The following IL17RA variants were observed in gnomAD, a reference collection of about 807,000 sequenced individuals.
IL17RA encodes interleukin-17 receptor A.
A neutral mutation model predicts 50.4 loss-of-function variants in IL17RA; 34 were observed. That is an observed-to-expected ratio of 0.67 (90% CI 0.51 to 0.90). IL17RA has a LOEUF of 0.90. Ranked by LOEUF, IL17RA falls within the 40% of genes least tolerant of loss-of-function variation. The pLI is 0.00. For synonymous variants in IL17RA, 585 were observed against 510.4 expected (o/e 1.15, Z -1.97); for missense variants, 1,276 against 1,169.8 (o/e 1.09, Z -1.32).
intron 12 of IL17RA, among the ~76,000 whole-genome samples, 170 bp from the exon 13 acceptor site, chr22:17,108,137 A>G (rs1378269586): frequency 1.3e-5 from 2 of 152,204 alleles, no homozygotes; most frequent in Admixed American, 6.5e-5. Context: ...TCAGGCAGCC[A>G]AAGGTGGAAT....
intron 1 of IL17RA, among the ~76,000 whole-genome samples, chr22:17,095,813 G>A (rs1475888680): frequency 1.3e-5 from 2 of 152,172 alleles, no homozygotes; most frequent in Admixed American, 6.5e-5. Flanking sequence ...TGAACAGGGC[G>A]AGAAGCACTT....
chr22:17,093,707 C>T (rs1226873226), intron 1 of IL17RA: 3 of 188,180 alleles, frequency 1.6e-5, no homozygotes, highest in Non-Finnish European at 3.4e-5. Context: ...GAATCTTCAT[C>T]CTCATGCTTT....
At chr22:17,086,169 C>T (rs1329717633) in intron 1 of IL17RA, among the ~76,000 whole-genome samples, 7 of 152,086 alleles carry the variant, frequency 4.6e-5, no homozygotes, top group Admixed American at 3.9e-4. Flanking sequence ...AACGCCGTGC[C>T]CCTCCACAAT....
chr22:17,100,453 C>T lies in IL17RA; in HGVS notation c.522C>T (p.Asn174=). The T allele has an allele frequency of 6.2e-7, 1 of 1,614,188 alleles. No individual in the cohort carries two copies. The highest frequency in any genetic ancestry group is 8.5e-7 in the Non-Finnish European group (1 of 1,180,034). Reference sequence around the variant, plus strand: ...AGCCCATCCCTGATGGGGACCCAAACCACCAGTCCAAGAATTTCCTTGTGC... The same window carrying T: ...AGCCCATCCCTGATGGGGACCCAAATCACCAGTCCAAGAATTTCCTTGTGC... ...LPKPIPDGDP[N]HQSKNFLVPD... The change falls in exon 5 of 13, where the codon AAC becomes AAT. Residue 174 remains asparagine (N), a synonymous_variant. Transcript: ENST00000319363.
At chr22:17,086,691 G>A (rs2061329558) in intron 1 of IL17RA, among the ~76,000 whole-genome samples, 1 of 152,218 alleles carries the variant, frequency 6.6e-6, no homozygotes, top group South Asian at 2.1e-4. Context: ...CAACTGCTAA[G>A]TGTACGGAAT....
chr22:17,085,179 G>A lies in IL17RA; in HGVS notation c.88G>A (p.Gly30Ser), dbSNP rs1215508376. 1.3e-6 allele frequency: 2 copies of A among 1,526,360 alleles called. No homozygotes were observed. Among genetic ancestry groups the A allele is most frequent in the African/African-American group, 2.8e-5 (2 of 71,286 alleles). The allele number at this position is 1,526,360 out of a possible 1,614,324, so 94.6% of individuals were successfully genotyped here. Residue 30 changes from glycine (G) to serine (S), a missense_variant, in exon 1 of 13, where the codon GGC becomes AGC. Physicochemically the swap from Gly to Ser is moderately conservative, Grantham distance 56. Coordinates refer to ENST00000319363, the MANE Select transcript of IL17RA (RefSeq NM_014339.7). ...GCTCCTGGGCGTGCTGGCCCCGGGT[G>A]GCGCCTCCCTGCGACTCCTGGACCA... is the stretch of plus-strand genomic sequence containing the variant. ...LLLLGVLAPG[G>S]ASLRLLDHRA...
Position 17,102,300 on chromosome 22 carries a change from G to A in IL17RA, c.760G>A (p.Ala254Thr), listed in dbSNP as rs1388008373. The A allele has an allele frequency of 1.2e-6, 2 of 1,614,178 alleles. No homozygotes were observed. Among genetic ancestry groups the A allele is most frequent in the Non-Finnish European group, 1.7e-6 (2 of 1,180,032 alleles). The change falls in exon 7 of 13, where the codon GCG becomes ACG. Residue 254 changes from alanine to threonine, a missense_variant and splice_region_variant. Physicochemically the swap from Ala to Thr is moderately conservative, Grantham distance 58. Coordinates refer to ENST00000319363, the MANE Select transcript of IL17RA (RefSeq NM_014339.7). ...CTTTGAGCACATGCACCACATACCT[G>A]CGGTAACTCTGCTCTTTTTGACCCC... ...SCFEHMHHIPAPRPEEFHQRS... is the reference protein window; with the variant it reads ...SCFEHMHHIPTPRPEEFHQRS...
chr22:17,099,345 T>C (rs2061381425), intron 4 of IL17RA, among the ~76,000 whole-genome samples: 2 of 152,320 alleles, frequency 1.3e-5, no homozygotes, highest in South Asian at 4.1e-4. Flanking sequence ...CTTAGTCTCA[T>C]TTTGCTGCTC....
rs772083135 is a variant in IL17RA at position 17,097,883 on chromosome 22, C to G, written c.250C>G (p.His84Asp). 43 of 1,614,122 alleles carry G rather than the reference C, an allele frequency of 2.7e-5. No homozygotes were observed. Among genetic ancestry groups the G allele is most frequent in the Non-Finnish European group, 3.6e-5 (43 of 1,180,056 alleles). The change falls in exon 3 of 13, where the codon CAC (histidine) becomes GAC (aspartate). Residue 84 changes from histidine to aspartate, a missense_variant. His to Asp is a moderately conservative substitution (Grantham distance 81). Coordinates refer to ENST00000319363, the MANE Select transcript of IL17RA (RefSeq NM_014339.7). Reference sequence around the variant, plus strand: ...CCTGCAGATCCAGCTGCACTTTGCCCACACCCAACAAGGAGACCTGTTCCC... The same window carrying G: ...CCTGCAGATCCAGCTGCACTTTGCCGACACCCAACAAGGAGACCTGTTCCC... ...KDLQIQLHFAHTQQGDLFPVA... is the reference protein window; with the variant it reads ...KDLQIQLHFADTQQGDLFPVA...
At chr22:17,094,675 C>A (rs1366297347) in intron 1 of IL17RA, among the ~76,000 whole-genome samples, 6,353 of 48,422 alleles carry the variant, frequency 0.13, 1,063 homozygotes, top group Non-Finnish European at 0.19. Flanking sequence ...CTCTCTCTCT[C>A]TCTCTCTCTC....
chr22:17,091,534 C>T (rs1601336748), intron 1 of IL17RA, among the ~76,000 whole-genome samples: 1 of 151,930 alleles, frequency 6.6e-6, no homozygotes, highest in African/African-American at 2.4e-5. Flanking sequence ...AAAAAATTAG[C>T]CAGGCGTGGT....
chr22:17,098,466 AGGATGGTGG>A (rs2061376933), intron 3 of IL17RA, among the ~76,000 whole-genome samples: 1 of 152,186 alleles, frequency 6.6e-6, no homozygotes. Flanking sequence ...CAACCTCGTG[AGGATGGTGG>A]GGATGGCTGT....
chr22:17,087,648 C>G (rs1466397916), intron 1 of IL17RA, among the ~76,000 whole-genome samples: 1 of 152,194 alleles, frequency 6.6e-6, no homozygotes, highest in African/African-American at 2.4e-5. Context: ...ACCTCAAAAC[C>G]CAGATGACTG....
intron 1 of IL17RA, among the ~76,000 whole-genome samples, chr22:17,091,933 AG>A (rs2061349576): frequency 6.6e-6 from 1 of 152,176 alleles, no homozygotes; most frequent in Non-Finnish European, 1.5e-5. Flanking sequence ...TAAAATCCTT[AG>A]AATCTCCAAA....
rs1252767811 is a variant in IL17RA at position 17,100,340 on chromosome 22, C to T, written c.424-15C>T. 6.2e-7 allele frequency: 1 copy of T among 1,613,962 alleles called. No homozygotes were observed. Among genetic ancestry groups the T allele is most frequent in the African/African-American group, 1.3e-5 (1 of 74,888 alleles). ...TGTGTAATCCATCCACCTTCCCTTCCTCCCTTCTCTTCAGTGGCGTTTTAC... is the reference window on the plus strand; with the variant it reads ...TGTGTAATCCATCCACCTTCCCTTCTTCCCTTCTCTTCAGTGGCGTTTTAC... On this transcript the variant is annotated splice_polypyrimidine_tract_variant and intron_variant, in intron 4 of 12. Coordinates refer to ENST00000319363, the MANE Select transcript of IL17RA (RefSeq NM_014339.7).
chr22:17,109,637 G>C lies in IL17RA; in HGVS notation c.2418G>C (p.Glu806Asp). ...YISRSSPQPP[E>D]GLTEMEEEEE... ...CCAGGAGCTCCCCGCAGCCCCCCGA[G>C]GGACTCACGGAAATGGAGGAAGAGG... is the stretch of plus-strand genomic sequence containing the variant. Residue 806 changes from glutamate to aspartate, a missense_variant, in exon 13 of 13, where the codon GAG becomes GAC. Glu to Asp is a conservative substitution (Grantham distance 45). Coordinates refer to ENST00000319363, the MANE Select transcript of IL17RA (RefSeq NM_014339.7). The C allele has an allele frequency of 6.2e-7, 1 of 1,608,582 alleles. No individual in the cohort carries two copies. The highest frequency in any genetic ancestry group is 1.3e-5 in the African/African-American group (1 of 74,986).
At chr22:17,100,630 T>G in intron 5 of IL17RA, 149 bp downstream of exon 5, 1 of 1,016,834 alleles carries the variant, frequency 9.8e-7, no homozygotes, top group East Asian at 2.5e-5. Flanking sequence ...AGGCCAAGAC[T>G]GGGAGTGCTT....
At chr22:17,085,284 G>A (rs1480321521) in intron 1 of IL17RA, 55 bp downstream of exon 1, 1 of 1,530,068 alleles carries the variant, frequency 6.5e-7, no homozygotes. Context: ...CGCGGGGCAA[G>A]GTCGCGGAGG....
chr22:17,109,983 TTTC>T lies in IL17RA; in HGVS notation c.*166_*168del, dbSNP rs2123814082. 1.3e-6 allele frequency: 1 copy of T among 748,582 alleles called. No individual in the cohort carries two copies. Among genetic ancestry groups the T allele is most frequent in the South Asian group, 1.8e-5 (1 of 54,590 alleles). 46.4% of individuals were successfully genotyped at this position (748,582 alleles called of 1,614,324 possible). On this transcript the variant is annotated 3_prime_UTR_variant, in exon 13 of 13. Coordinates refer to ENST00000319363, the MANE Select transcript of IL17RA (RefSeq NM_014339.7). The stretch of plus-strand genomic sequence containing the variant: ...TTAATCCCAGGCATCCCTCCTAACT[TTTC>T]TTTGTGCAGCGGTCTGGTTATCGTC...
Sources: gnomAD v4.1 joint callset for allele counts (sites outside exome capture counted in the v4.1 genomes callset) on GRCh38, gnomAD v4.1.1 for gene constraint, MANE v1.5 for transcripts, NCBI Gene and HGNC (gene_info 2026-07-23, HGNC 2026-07-21) for gene names.